SH3PXD2B: variants seen among roughly 807,000 people sequenced by gnomAD.
SH3PXD2B encodes SH3 and PX domain-containing protein 2B.
A neutral mutation model predicts 73.1 loss-of-function variants in SH3PXD2B; 37 were observed. The ratio of observed to expected loss-of-function variants is 0.51; its 90% CI spans 0.39 to 0.67. The LOEUF is 0.67. Among genes scored for constraint, SH3PXD2B ranks in the 30% least tolerant of loss-of-function variants. The pLI is 0.00. For synonymous variants in SH3PXD2B, 457 were observed against 480.5 expected (o/e 0.95, Z 0.64); for missense variants, 1,053 against 1,197.8 (o/e 0.88, Z 1.78).
At chr5:172,348,860 C>T (rs928420994) in intron 10 of SH3PXD2B, among the ~76,000 whole-genome samples, 1 of 152,048 alleles carries the variant, frequency 6.6e-6, no homozygotes, top group Non-Finnish European at 1.5e-5. Context: ...GTGTGTGCCA[C>T]CACGCCCAGC....
intron 7 of SH3PXD2B, among the ~76,000 whole-genome samples, chr5:172,362,417 G>A (rs1485505591): frequency 6.6e-6 from 1 of 152,152 alleles, no homozygotes; most frequent in African/African-American, 2.4e-5. Flanking sequence ...GTAAGCAAAG[G>A]CAAATCAACA....
intron 2 of SH3PXD2B, among the ~76,000 whole-genome samples, chr5:172,407,554 G>A (rs1330123315): frequency 6.6e-6 from 1 of 152,204 alleles, no homozygotes; most frequent in Non-Finnish European, 1.5e-5. Flanking sequence ...TTTAGTACAC[G>A]GGTCAAGGAA....
intron 7 of SH3PXD2B, among the ~76,000 whole-genome samples, chr5:172,360,999 A>G (rs1757391975): frequency 6.6e-6 from 1 of 152,208 alleles, no homozygotes; most frequent in Non-Finnish European, 1.5e-5. Flanking sequence ...TACTACGCAG[A>G]TGTGAAAAAG....
rs552021372 is a variant in SH3PXD2B, at chr5:172,343,951, T to C, written c.1188+2185A>G. ...ACCTAACCCCCCTGAGTCTCATCTA[T>C]AAAACATGCTGATAGAAAAAAAAAA... On this transcript the variant is annotated intron_variant, in intron 12 of 12. Transcript: ENST00000311601. 3.7e-4 allele frequency among the ~76,000 whole-genome samples: 55 copies of C among 150,630 alleles called. 1 individual carries two copies. Among genetic ancestry groups the C allele is most frequent in the Middle Eastern group, 3.4e-3 (1 of 292 alleles).
intron 1 of SH3PXD2B, among the ~76,000 whole-genome samples, chr5:172,448,000 G>A (rs983691903): frequency 6.6e-5 from 10 of 152,212 alleles, no homozygotes; most frequent in African/African-American, 2.4e-4. Flanking sequence ...TAGCTTGCCT[G>A]TGTGACAAGC....
chr5:172,411,780 A>G (rs1758704670), intron 2 of SH3PXD2B, among the ~76,000 whole-genome samples: 1 of 151,654 alleles, frequency 6.6e-6, no homozygotes, highest in Non-Finnish European at 1.5e-5. Context: ...AACTTTTAGT[A>G]GTCTGTAAGG....
chr5:172,439,694 A>ACACACGCGCGCGCG (rs1759505975), intron 1 of SH3PXD2B, among the ~76,000 whole-genome samples: 7 of 42,694 alleles, frequency 1.6e-4, no homozygotes, highest in South Asian at 9.3e-4. Context: ...ACGCGCGCGC[A>ACACACGCGCGCGCG]CACACACACA....
chr5:172,435,573 C>G (rs1325103385), intron 1 of SH3PXD2B, among the ~76,000 whole-genome samples: 1 of 152,126 alleles, frequency 6.6e-6, no homozygotes, highest in Non-Finnish European at 1.5e-5. Context: ...CAGGCATGCA[C>G]CACCATGCCT....
intron 12 of SH3PXD2B, among the ~76,000 whole-genome samples, chr5:172,327,846 C>A (rs937462820): frequency 9.2e-5 from 14 of 151,526 alleles, no homozygotes; most frequent in African/African-American, 3.2e-4. Context: ...CCTCTGCCTC[C>A]CAGGTTCAAG....
Position 172,326,333 on chromosome 5 carries a change from G to T in SH3PXD2B, c.1189-953C>A, listed in dbSNP as rs77458134. Among the ~76,000 whole-genome samples, 414 of 152,276 alleles carry T rather than the reference G, an allele frequency of 2.7e-3. 2 individuals carry two copies. Among genetic ancestry groups the T allele is most frequent in the African/African-American group, 9.4e-3 (390 of 41,556 alleles). On this transcript the variant is annotated intron_variant, in intron 12 of 12. Coordinates refer to the SH3PXD2B transcript ENST00000519643. ...GCATACATGCCAAAGTGTGTTCTGT[G>T]GGATGTTCATAAACGTTACATGTAA...
rs776745582 is a variant in SH3PXD2B at position 172,382,108 on chromosome 5, G to A, written c.329C>T (p.Pro110Leu). 1 of 1,608,922 alleles carries A rather than the reference G, an allele frequency of 6.2e-7. No homozygotes were observed. The highest frequency in any genetic ancestry group is 8.5e-7 in the Non-Finnish European group (1 of 1,178,010). ...CACCTCATCACACTGAGAGATGTAG[G>A]GGGGCAGCTGGATGAGGGCCTGGAG... is the stretch of plus-strand genomic sequence containing the variant. ...EYCKALIQLP[P>L]YISQCDEVLQ... The change falls in exon 5 of 13, where the codon CCC (proline) becomes CTC (leucine). Residue 110 changes from proline (P) to leucine (L), a missense_variant. By Grantham distance (98) the Pro-to-Leu change is moderately conservative. This residue lies in a region of SH3PXD2B where 466 missense variants were observed against 607.1 expected (regional missense o/e 0.77). Coordinates refer to ENST00000311601, the MANE Select transcript of SH3PXD2B (RefSeq NM_001017995.3).
intron 4 of SH3PXD2B, among the ~76,000 whole-genome samples, chr5:172,389,057 CT>C (rs113765077): frequency 0.16 from 21,365 of 136,266 alleles, 2,204 homozygotes; most frequent in African/African-American, 0.36. Flanking sequence ...TTTACTTTTT[CT>C]TTTTTTTTTT....
chr5:172,416,948 ATC>A (rs1386767696), intron 2 of SH3PXD2B, among the ~76,000 whole-genome samples: 2 of 151,726 alleles, frequency 1.3e-5, no homozygotes, highest in African/African-American at 4.8e-5. Context: ...GGCTTAAGTG[ATC>A]TGTCTGCCTC....
rs199739437 is a variant in SH3PXD2B at position 172,350,405 on chromosome 5, G to A, written c.970C>T (p.Arg324Trp). ...TCGGGCACCGGGCGGCCTTCAAACCGCCCGTCCCTCTGGCTGCTGAGCAGC... is the reference window on the plus strand; with the variant it reads ...TCGGGCACCGGGCGGCCTTCAAACCACCCGTCCCTCTGGCTGCTGAGCAGC... ...KELLSSQRDG[R>W]FEGRPVPDGD... The change falls in exon 10 of 13, where the codon CGG (arginine) becomes TGG (tryptophan). Residue 324 changes from arginine to tryptophan, a missense_variant. Coordinates refer to ENST00000311601, the MANE Select transcript of SH3PXD2B (RefSeq NM_001017995.3). 1.9e-4 allele frequency: 300 copies of A among 1,613,912 alleles called. 1 individual carries two copies. In the East Asian group the frequency reaches 3.5e-3, roughly 19 times the overall value.
Position 172,358,735 on chromosome 5 carries a change from G to A in SH3PXD2B, c.667+38C>T, listed in dbSNP as rs766886339. The A allele has an allele frequency of 3.8e-6, 6 of 1,569,400 alleles. No homozygotes were observed. The South Asian group carries it at 5.7e-5, about 15-fold the overall frequency. On this transcript the variant is annotated intron_variant, in intron 8 of 12. Transcript: ENST00000311601. ...CCCAGTATAGGCGATGACTGCACAG[G>A]TCCTCCCCAGTGAGCAGAGGCTCGA...
At chr5:172,430,328 G>A (rs1023409105) in intron 1 of SH3PXD2B, among the ~76,000 whole-genome samples, 1 of 152,196 alleles carries the variant, frequency 6.6e-6, no homozygotes, top group African/African-American at 2.4e-5. Flanking sequence ...CTCTCCACCT[G>A]TCCTTTCTGT....
In SH3PXD2B at chr5:172,346,125, G is replaced by A. The variant is rs1179008516; in HGVS notation, c.1188+11C>T. 1 of 1,613,994 alleles carries A rather than the reference G, an allele frequency of 6.2e-7. No homozygotes were observed. On this transcript the variant is annotated intron_variant, in intron 12 of 12. Coordinates refer to ENST00000311601, the MANE Select transcript of SH3PXD2B (RefSeq NM_001017995.3). ...ATCACAAGTAGGCAAAGGAACACCA[G>A]GGCCACTCACCTCGACCTTCAGGCC... is the stretch of plus-strand genomic sequence containing the variant.
intron 6 of SH3PXD2B, among the ~76,000 whole-genome samples, chr5:172,364,619 C>A (rs759616570): frequency 1.1e-4 from 17 of 152,238 alleles, no homozygotes; most frequent in Non-Finnish European, 2.2e-4. Context: ...GACCTGAGAT[C>A]GCACCACTGC....
intron 7 of SH3PXD2B, among the ~76,000 whole-genome samples, chr5:172,360,734 A>G (rs1757382189): frequency 6.6e-6 from 1 of 152,218 alleles, no homozygotes; most frequent in African/African-American, 2.4e-5. Context: ...TGGGAGGCTG[A>G]GACAGGAGAA....
Sources: gnomAD v4.1 joint callset for allele counts (sites outside exome capture counted in the v4.1 genomes callset) on GRCh38, gnomAD v4.1.1 for gene constraint, gnomAD v4.1.1 regional missense constraint, MANE v1.5 for transcripts, NCBI Gene and HGNC (gene_info 2026-07-23, HGNC 2026-07-21) for gene names.